Variants in KIAA1958 observed in about 807,000 individuals in gnomAD.
KIAA1958 encodes uncharacterized protein KIAA1958.
A neutral mutation model predicts 47.2 loss-of-function variants in KIAA1958; 14 were observed. That is an observed-to-expected ratio of 0.30 (90% confidence interval 0.20 to 0.46). The LOEUF (loss-of-function observed/expected upper bound fraction) is 0.46. Among genes scored for constraint, KIAA1958 ranks in the 20% least tolerant of loss-of-function variants. The probability of loss-of-function intolerance (pLI) is 1.00; values close to 1 mark genes in which losing one functional copy is unlikely to be tolerated. For synonymous variants in KIAA1958, 354 were observed against 353.3 expected (o/e 1.00, Z -0.02); for missense variants, 803 against 909.2 (o/e 0.88, Z 1.50).
At chr9:112,502,668 A>G (rs1437078622) in intron 1 of KIAA1958, among the ~76,000 whole-genome samples, 4 of 152,244 alleles carry the variant, frequency 2.6e-5, no homozygotes, top group Admixed American at 1.3e-4. Flanking sequence ...AAAACATTCA[A>G]TGAAGCAGTC....
chr9:112,580,664 G>A (rs936960900), intron 2 of KIAA1958, among the ~76,000 whole-genome samples: 2 of 152,118 alleles, frequency 1.3e-5, no homozygotes, highest in African/African-American at 4.8e-5. Flanking sequence ...GCAGGCGCCT[G>A]TAGTCCCAGC....
chr9:112,589,487 G>A (rs1453051093), intron 2 of KIAA1958, among the ~76,000 whole-genome samples: 2 of 152,218 alleles, frequency 1.3e-5, no homozygotes, highest in Non-Finnish European at 2.9e-5. Flanking sequence ...AGCTACTCGG[G>A]AGGCTGAGGC....
chr9:112,538,372 A>G (rs1232708356), intron 1 of KIAA1958, among the ~76,000 whole-genome samples: 2 of 152,106 alleles, frequency 1.3e-5, no homozygotes, highest in African/African-American at 4.8e-5. Context: ...AAGAAAGAAA[A>G]AAAAGATGTG....
chr9:112,512,545 C>T (rs1834340071), intron 1 of KIAA1958, among the ~76,000 whole-genome samples: 1 of 152,216 alleles, frequency 6.6e-6, no homozygotes, highest in African/African-American at 2.4e-5. Flanking sequence ...CAGCTAACTT[C>T]ATGTTTAATA....
At chr9:112,587,905 C>T (rs559935092) in intron 2 of KIAA1958, among the ~76,000 whole-genome samples, 5 of 152,276 alleles carry the variant, frequency 3.3e-5, no homozygotes, top group South Asian at 4.1e-4. Context: ...TCCATAGACT[C>T]TGCTGTGAAA....
chr9:112,655,692 A>G (rs945300327), intron 3 of KIAA1958, among the ~76,000 whole-genome samples: 2 of 152,224 alleles, frequency 1.3e-5, no homozygotes, highest in African/African-American at 4.8e-5. Flanking sequence ...GGGCTTAAAA[A>G]GGGAACTTGG....
chr9:112,596,855 C>T (rs1836041691), intron 2 of KIAA1958, among the ~76,000 whole-genome samples: 2 of 152,106 alleles, frequency 1.3e-5, no homozygotes, highest in African/African-American at 4.8e-5. Context: ...TTGATTTGTA[C>T]TATGCATTTT....
At chr9:112,601,505 C>T (rs1836130754) in intron 2 of KIAA1958, among the ~76,000 whole-genome samples, 1 of 152,074 alleles carries the variant, frequency 6.6e-6, no homozygotes, top group Admixed American at 6.6e-5. Context: ...TATCTGGGGA[C>T]TTGTTAAAAA....
chr9:112,665,412 A>C lies in KIAA1958; in HGVS notation c.*5343A>C, dbSNP rs117105689. 4 of 152,312 alleles carry C rather than the reference A, an allele frequency of 2.6e-5. No individual in the cohort carries two copies. In the East Asian group the frequency reaches 7.7e-4, roughly 29 times the overall value. 9.4% of individuals were successfully genotyped at this position (152,312 alleles called of 1,614,324 possible). On this transcript the variant is annotated 3_prime_UTR_variant, in exon 4 of 4. Transcript: ENST00000337530. ...AATTATTTCCATTTTACTTATTGAGAATCTAGGCTCAGAGGAGTTAAAATT... is the reference window on the plus strand; with the variant it reads ...AATTATTTCCATTTTACTTATTGAGCATCTAGGCTCAGAGGAGTTAAAATT...
intron 1 of KIAA1958, among the ~76,000 whole-genome samples, chr9:112,563,114 G>C (rs945869491): frequency 4.0e-5 from 5 of 124,782 alleles, no homozygotes; most frequent in Non-Finnish European, 8.3e-5. Context: ...TTTTTTAATT[G>C]AGACAAATTT....
At chr9:112,491,273 T>C (rs1293339209) in intron 1 of KIAA1958, among the ~76,000 whole-genome samples, 3 of 152,204 alleles carry the variant, frequency 2.0e-5, no homozygotes. Context: ...GCCATAACTT[T>C]AAAAAAGTTT....
chr9:112,606,572 G>A (rs969718464), intron 2 of KIAA1958, among the ~76,000 whole-genome samples: 3 of 152,098 alleles, frequency 2.0e-5, no homozygotes, highest in Non-Finnish European at 4.4e-5. Context: ...ACATACTTCA[G>A]AAAATTAAGT....
At chr9:112,495,539 GCTGAAATTCTC>G (rs775313787) in intron 1 of KIAA1958, among the ~76,000 whole-genome samples, 4 of 152,232 alleles carry the variant, frequency 2.6e-5, no homozygotes, top group Non-Finnish European at 5.9e-5. Flanking sequence ...ATGTAGGATA[GCTGAAATTCTC>G]CTGCACTGCT....
intron 1 of KIAA1958, among the ~76,000 whole-genome samples, chr9:112,493,494 A>G (rs186353877): frequency 6.6e-5 from 10 of 152,004 alleles, no homozygotes; most frequent in Admixed American, 3.3e-4. Context: ...TCTTAATCCC[A>G]TTTTCCATAC....
At chr9:112,531,022 A>G (rs998965778) in intron 1 of KIAA1958, among the ~76,000 whole-genome samples, 1 of 152,234 alleles carries the variant, frequency 6.6e-6, no homozygotes, top group Non-Finnish European at 1.5e-5. Flanking sequence ...ATAGCATGTG[A>G]TTGCGCAACA....
intron 2 of KIAA1958, among the ~76,000 whole-genome samples, chr9:112,608,403 GGAAAAATGATTAGTTGGAGACA>G (rs1434376959): frequency 2.6e-5 from 4 of 152,112 alleles, no homozygotes; most frequent in African/African-American, 7.2e-5. Flanking sequence ...ATAATGTAAT[GGAAAAATGATTAGTTGGAGACA>G]GAAAAGGAAG....
rs1276878643 is a variant in KIAA1958 at position 112,663,162 on chromosome 9, T to C, written c.*3093T>C. On this transcript the variant is annotated 3_prime_UTR_variant, in exon 4 of 4. Coordinates refer to ENST00000337530, the MANE Select transcript of KIAA1958 (RefSeq NM_133465.4). ...ACTGTAGGTGTTATGAGAGGACCCA[T>C]AGGGTGTCCTTCAGGTGAGCTGTTG... 1 of 152,166 alleles carries C rather than the reference T, an allele frequency of 6.6e-6. No individual in the cohort carries two copies. The highest frequency in any genetic ancestry group is 2.4e-5 in the African/African-American group (1 of 41,444). 9.4% of individuals were successfully genotyped at this position (152,166 alleles called of 1,614,324 possible).
chr9:112,634,238 C>G (rs1333998154), intron 2 of KIAA1958, among the ~76,000 whole-genome samples: 1 of 151,906 alleles, frequency 6.6e-6, no homozygotes, highest in African/African-American at 2.4e-5. Context: ...AAATTTTGTC[C>G]TTTTTTTGGG....
At chr9:112,651,397 AT>A (rs34799388) in intron 3 of KIAA1958, among the ~76,000 whole-genome samples, 84,524 of 141,234 alleles carry the variant, frequency 0.6, 25,997 homozygotes, top group Non-Finnish European at 0.68. Flanking sequence ...ATATATACAT[AT>A]TTTTTTTTTT....
Sources: gnomAD v4.1 joint callset for allele counts (sites outside exome capture counted in the v4.1 genomes callset) on GRCh38, gnomAD v4.1.1 for gene constraint, MANE v1.5 for transcripts, NCBI Gene and HGNC (gene_info 2026-07-23, HGNC 2026-07-21) for gene names.